The following CYP26B1 variants were observed in gnomAD, a reference collection of about 807,000 sequenced individuals.
CYP26B1 encodes cytochrome P450 family 26 subfamily B member 1.
Under a neutral mutation model 39.1 loss-of-function variants are expected in CYP26B1, and 8 were observed. That is an observed-to-expected ratio of 0.20 (90% CI 0.12 to 0.37). The LOEUF (loss-of-function observed/expected upper bound fraction) is 0.37. Among genes scored for constraint, CYP26B1 ranks in the 10% least tolerant of loss-of-function variants. The pLI, the probability that CYP26B1 is intolerant of heterozygous loss-of-function variation, is 1.00. For missense variants in CYP26B1, 615 were observed against 707.0 expected, an observed-to-expected ratio of 0.87 and a Z score of 1.48; for synonymous variants, 321 against 314.3, an observed-to-expected ratio of 1.02 and a Z score of -0.23.
intron 2 of CYP26B1, among the ~76,000 whole-genome samples, chr2:72,138,182 C>T (rs565387796): frequency 2.6e-5 from 4 of 152,260 alleles, no homozygotes; most frequent in African/African-American, 9.6e-5. Context: ...TGCCTCTTGC[C>T]CAGCTGCTCC....
Position 72,132,427 on chromosome 2 carries a change from C to A in CYP26B1, c.1339G>T (p.Ala447Ser). 6.2e-7 allele frequency: 1 copy of A among 1,613,028 alleles called. No individual in the cohort carries two copies. The highest frequency in any genetic ancestry group is 1.7e-4 in the Middle Eastern group (1 of 6,056). The part of the protein sequence containing the change: ...GVRTCLGKHL[A>S]KLFLKVLAVE... ...GCCAGCACCTTCAGGAACAGCTTGGCCAGGTGCTTGCCCAGGCAGGTCCGG... is the reference window on the plus strand; with the variant it reads ...GCCAGCACCTTCAGGAACAGCTTGGACAGGTGCTTGCCCAGGCAGGTCCGG... Residue 447 changes from alanine to serine, a missense_variant, in exon 6 of 6, where the codon GCC (alanine) becomes TCC (serine). Physicochemically the swap from Ala to Ser is moderately conservative, Grantham distance 99 (BLOSUM62 1). Coordinates refer to ENST00000001146, the MANE Select transcript of CYP26B1 (RefSeq NM_019885.4).
chr2:72,135,912 C>G (rs1676758382), intron 2 of CYP26B1, among the ~76,000 whole-genome samples: 1 of 152,158 alleles, frequency 6.6e-6, no homozygotes, highest in Non-Finnish European at 1.5e-5. Flanking sequence ...TTCAGTGTGG[C>G]CAGGTCCAAA....
rs999954899 is a variant in CYP26B1 at position 72,132,338 on chromosome 2, C to G, written c.1428G>C (p.Leu476Phe). 22 of 1,610,382 alleles carry G rather than the reference C, an allele frequency of 1.4e-5. No homozygotes were observed. The East Asian group carries it at 4.9e-4, about 36-fold the overall frequency. The change falls in exon 6 of 6, where the codon TTG becomes TTC. Residue 476 changes from leucine to phenylalanine, a missense_variant. Transcript: ENST00000001146. ...LATRTFPRIT[L>F]VPVLHPVDGL... ...CATCCACGGGGTGCAGGACGGGGACCAAGGTGATGCGGGGGAAGGTCCGTG... is the reference window on the plus strand; with the variant it reads ...CATCCACGGGGTGCAGGACGGGGACGAAGGTGATGCGGGGGAAGGTCCGTG...
chr2:72,139,941 C>T (rs948846063), intron 2 of CYP26B1, among the ~76,000 whole-genome samples: 9 of 152,124 alleles, frequency 5.9e-5, no homozygotes, highest in African/African-American at 2.2e-4. Context: ...GAGGGTGAGG[C>T]CAGCTGTCCC....
chr2:72,134,343 G>A (rs1329867380), intron 4 of CYP26B1, among the ~76,000 whole-genome samples: 1 of 151,420 alleles, frequency 6.6e-6, no homozygotes, highest in Non-Finnish European at 1.5e-5. Context: ...GGGCATGCAA[G>A]GCGCCAGCAA....
chr2:72,133,723 C>T (rs1051500672), intron 4 of CYP26B1, among the ~76,000 whole-genome samples: 1 of 152,180 alleles, frequency 6.6e-6, no homozygotes, highest in Non-Finnish European at 1.5e-5. Context: ...AGTCTAAACC[C>T]GGGCCTTCCC....
At chr2:72,137,742 C>A (rs1261997809) in intron 2 of CYP26B1, among the ~76,000 whole-genome samples, 1 of 152,144 alleles carries the variant, frequency 6.6e-6, no homozygotes, top group East Asian at 1.9e-4. Flanking sequence ...CCCCGGGGGA[C>A]CTGGGACTGG....
chr2:72,140,679 C>T (rs1419638322), intron 2 of CYP26B1, among the ~76,000 whole-genome samples: 1 of 152,238 alleles, frequency 6.6e-6, no homozygotes, highest in Non-Finnish European at 1.5e-5. Flanking sequence ...CACCTCCTCG[C>T]TTCTCCATCC....
Position 72,135,404 on chromosome 2 carries a change from A to G in CYP26B1, c.445T>C (p.Phe149Leu). Reference sequence around the variant, plus strand: ...TAACTCTCCAGGGCCTCGTGGCTGAAGATCTTGGAGAAGACCTGGAAGGCA... The same window carrying G: ...TAACTCTCCAGGGCCTCGTGGCTGAGGATCTTGGAGAAGACCTGGAAGGCA... ...RNKRKVFSKI[F>L]SHEALESYLP... The change falls in exon 3 of 6, where the codon TTC (phenylalanine) becomes CTC (leucine). Residue 149 changes from phenylalanine (F) to leucine (L), a missense_variant. Transcript: ENST00000001146. 1.9e-6 allele frequency: 3 copies of G among 1,611,518 alleles called. No homozygotes were observed. Among genetic ancestry groups the G allele is most frequent in the Non-Finnish European group, 2.5e-6 (3 of 1,180,016 alleles).
At position 72,132,400 on chromosome 2, in the gene CYP26B1, C is replaced by A. The variant is rs776274383; in HGVS notation, c.1366G>T (p.Val456Leu). 2 of 1,611,918 alleles carry A rather than the reference C, an allele frequency of 1.2e-6. No homozygotes were observed. The highest frequency in any genetic ancestry group is 1.1e-5 in the South Asian group (1 of 90,932). The change falls in exon 6 of 6, where the codon GTG becomes TTG. Residue 456 changes from valine (V) to leucine (L), a missense_variant. Val to Leu is a conservative substitution (Grantham distance 32). Transcript: ENST00000001146. ...AAGCGGCTGGTGCTAGCCAGCTCCA[C>A]CGCCAGCACCTTCAGGAACAGCTTG... ...LAKLFLKVLA[V>L]ELASTSRFEL...
chr2:72,144,875 G>A (rs1233333779), intron 1 of CYP26B1, among the ~76,000 whole-genome samples: 5 of 152,170 alleles, frequency 3.3e-5, no homozygotes, highest in Non-Finnish European at 5.9e-5. Context: ...GGGCGGGACC[G>A]GGCAGGGCGA....
rs1677043152 is a variant in CYP26B1, at chr2:72,144,107, T to G, written c.311A>C (p.Lys104Thr). 1 of 1,612,106 alleles carries G rather than the reference T, an allele frequency of 6.2e-7. No individual in the cohort carries two copies. The highest frequency in any genetic ancestry group is 8.5e-7 in the Non-Finnish European group (1 of 1,178,476). The change falls in exon 2 of 6, where the codon AAG becomes ACG. Residue 104 changes from lysine (K) to threonine (T), a missense_variant. Lys to Thr is a moderately conservative substitution (Grantham distance 78). Coordinates refer to ENST00000001146, the MANE Select transcript of CYP26B1 (RefSeq NM_019885.4). ...GAGGTGGTGCTCGCCCATGAGGATCTTGCGCACGTTCTCCGCGCCGGTCAC... is the reference window on the plus strand; with the variant it reads ...GAGGTGGTGCTCGCCCATGAGGATCGTGCGCACGTTCTCCGCGCCGGTCAC... The part of the protein sequence containing the change: ...IRVTGAENVR[K>T]ILMGEHHLVS...
At chr2:72,135,040 C>T (rs781276885) in intron 3 of CYP26B1, 104 bp downstream of exon 3, 173 of 1,601,376 alleles carry the variant, frequency 1.1e-4, no homozygotes, top group Admixed American at 1.7e-4. Flanking sequence ...GTCCATGTGC[C>T]CTGTGCCTAG....
At position 72,132,379 on chromosome 2, in the gene CYP26B1, G is replaced by C. The variant is rs201193616; in HGVS notation, c.1387C>G (p.Arg463Gly). 2 of 1,611,058 alleles carry C rather than the reference G, an allele frequency of 1.2e-6. No individual in the cohort carries two copies. The highest frequency in any genetic ancestry group is 2.7e-5 in the African/African-American group (2 of 74,888). ...AAGGTCCGTGTGGCCAGCTCAAAGC[G>C]GCTGGTGCTAGCCAGCTCCACCGCC... is the stretch of plus-strand genomic sequence containing the variant. ...VLAVELASTSRFELATRTFPR... is the reference protein window; with the variant it reads ...VLAVELASTSGFELATRTFPR... Residue 463 changes from arginine to glycine, a missense_variant, in exon 6 of 6, where the codon CGC becomes GGC. Physicochemically the swap from Arg to Gly is moderately radical, Grantham distance 125. Coordinates refer to ENST00000001146, the MANE Select transcript of CYP26B1 (RefSeq NM_019885.4).
Position 72,135,422 on chromosome 2 carries a change from G to A in CYP26B1, c.430-3C>T, listed in dbSNP as rs1676741395. The A allele has an allele frequency of 1.2e-6, 2 of 1,608,676 alleles. No homozygotes were observed. Among genetic ancestry groups the A allele is most frequent in the East Asian group, 4.5e-5 (2 of 44,882 alleles). ...TGGCTGAAGATCTTGGAGAAGACCT[G>A]GAAGGCAGAGAGGCAAGTGGGTGAG... On this transcript the variant is annotated splice_region_variant and splice_polypyrimidine_tract_variant and intron_variant, in intron 2 of 5. Coordinates refer to ENST00000001146, the MANE Select transcript of CYP26B1 (RefSeq NM_019885.4).
chr2:72,140,798 C>A (rs1488463639), intron 2 of CYP26B1, among the ~76,000 whole-genome samples: 2 of 152,208 alleles, frequency 1.3e-5, no homozygotes, highest in Non-Finnish European at 2.9e-5. Context: ...TAGTCCCCCA[C>A]CTTGGCTTCA....
At chr2:72,140,025 C>A (rs187733124) in intron 2 of CYP26B1, among the ~76,000 whole-genome samples, 105 of 152,350 alleles carry the variant, frequency 6.9e-4, no homozygotes, top group South Asian at 3.9e-3. Flanking sequence ...GAACCCAGGA[C>A]AGATACAGCA....
intron 2 of CYP26B1, among the ~76,000 whole-genome samples, chr2:72,136,657 G>A (rs1193854250): frequency 3.3e-5 from 5 of 152,230 alleles, no homozygotes; most frequent in African/African-American, 4.8e-5. Context: ...GAGGTCGCCT[G>A]GGTCAGCCCA....
Position 72,133,276 on chromosome 2 carries a change from T to A in CYP26B1, c.893A>T (p.Tyr298Phe). The change falls in exon 5 of 6, where the codon TAT (tyrosine) becomes TTT (phenylalanine). Residue 298 changes from tyrosine (Y) to phenylalanine (F), a missense_variant. Physicochemically the swap from Tyr to Phe is conservative, Grantham distance 22 (BLOSUM62 3). Coordinates refer to ENST00000001146, the MANE Select transcript of CYP26B1 (RefSeq NM_019885.4). Reference sequence around the variant, plus strand: ...GGTGCTGGCGCTGGCCGTGGTGGCATAGGCCGCAAAGATCAGCTCCAGGGT... The same window carrying A: ...GGTGCTGGCGCTGGCCGTGGTGGCAAAGGCCGCAAAGATCAGCTCCAGGGT... ...DGTLELIFAA[Y>F]ATTASASTSL... The A allele has an allele frequency of 6.2e-7, 1 of 1,609,476 alleles. No homozygotes were observed. The highest frequency in any genetic ancestry group is 8.5e-7 in the Non-Finnish European group (1 of 1,179,720).
Sources: allele counts gnomAD v4.1 joint callset (sites outside exome capture counted in the v4.1 genomes callset), GRCh38; gene constraint gnomAD v4.1.1; transcripts MANE v1.5; gene names NCBI Gene and HGNC (gene_info 2026-07-23, HGNC 2026-07-21).